CTNNA3: variants seen among roughly 807,000 people sequenced by gnomAD.
The protein encoded by CTNNA3 is catenin alpha-3.
Under a neutral mutation model 95.7 loss-of-function variants are expected in CTNNA3, and 76 were observed. The ratio of observed to expected loss-of-function variants is 0.79; its 90% CI spans 0.66 to 0.96. CTNNA3 has a LOEUF of 0.96. Among genes scored for constraint, CTNNA3 ranks in the 40% least tolerant of loss-of-function variants. CTNNA3 has a pLI of 0.00. For missense variants in CTNNA3, 1,191 were observed against 1,089.8 expected, an observed-to-expected ratio of 1.09 and a Z score of -1.31; for synonymous variants, 431 against 374.4, an observed-to-expected ratio of 1.15 and a Z score of -1.74.
At chr10:67,518,455 T>G (rs1352531370) in intron 5 of CTNNA3, among the ~76,000 whole-genome samples, 3 of 152,110 alleles carry the variant, frequency 2.0e-5, no homozygotes, top group Non-Finnish European at 4.4e-5. Flanking sequence ...GAGACAAGAA[T>G]CAGATACGTG....
At chr10:66,175,767 C>A (rs2085673891) in intron 13 of CTNNA3, among the ~76,000 whole-genome samples, 1 of 152,094 alleles carries the variant, frequency 6.6e-6, no homozygotes, top group African/African-American at 2.4e-5. Flanking sequence ...GATTCATTAA[C>A]CATATTTATT....
chr10:66,526,770 A>C, intron 10 of CTNNA3, among the ~76,000 whole-genome samples: 1 of 152,052 alleles, frequency 6.6e-6, no homozygotes, highest in Non-Finnish European at 1.5e-5. Context: ...TGTCTATTCA[A>C]GTATTTTGCC....
chr10:66,186,385 A>G (rs1366252474), intron 13 of CTNNA3, among the ~76,000 whole-genome samples: 2 of 151,994 alleles, frequency 1.3e-5, no homozygotes, highest in Admixed American at 1.3e-4. Context: ...AAAATTCACT[A>G]GTGATGTCAG....
At chr10:67,467,430 G>C (rs1181686878) in intron 5 of CTNNA3, among the ~76,000 whole-genome samples, 1 of 151,612 alleles carries the variant, frequency 6.6e-6, no homozygotes, top group Admixed American at 6.6e-5. Context: ...TTTAGACTTC[G>C]TTCTCTAATA....
chr10:66,914,936 A>G (rs1846410860), intron 7 of CTNNA3, among the ~76,000 whole-genome samples: 1 of 152,146 alleles, frequency 6.6e-6, no homozygotes, highest in Non-Finnish European at 1.5e-5. Context: ...CAAAATTTGT[A>G]ATAAATAAAT....
intron 7 of CTNNA3, among the ~76,000 whole-genome samples, chr10:66,913,157 T>C (rs1426627680): frequency 1.5e-5 from 2 of 132,068 alleles, no homozygotes; most frequent in African/African-American, 5.7e-5. Context: ...GAGAATGGCG[T>C]GAACCCGGGA....
chr10:67,225,982 G>A (rs1864895067), intron 5 of CTNNA3, among the ~76,000 whole-genome samples: 1 of 152,098 alleles, frequency 6.6e-6, no homozygotes, highest in African/African-American at 2.4e-5. Flanking sequence ...AACAATACAA[G>A]AAGTGAAGGG....
chr10:67,071,330 GT>G (rs10688142), intron 7 of CTNNA3, among the ~76,000 whole-genome samples: 26 of 140,382 alleles, frequency 1.9e-4, no homozygotes, highest in East Asian at 6.3e-4. Flanking sequence ...TGTATTTTGG[GT>G]TTTTTTTTTT....
At chr10:66,918,524 G>T (rs1846611454) in intron 7 of CTNNA3, among the ~76,000 whole-genome samples, 1 of 152,122 alleles carries the variant, frequency 6.6e-6, no homozygotes, top group African/African-American at 2.4e-5. Context: ...TATATGCCAT[G>T]AAAACTGACT....
intron 15 of CTNNA3, among the ~76,000 whole-genome samples, chr10:66,024,486 A>G (rs886827835): frequency 6.6e-5 from 10 of 152,206 alleles, no homozygotes; most frequent in Admixed American, 2.0e-4. Context: ...TTGTTGTATG[A>G]CCGTTTAACA....
rs539437591 is a variant in CTNNA3 at position 66,062,910 on chromosome 10, C to A, written c.2159+6398G>T. ...AACACCCCAGCTACAGATTAGGATA[C>A]CCTCAAAGCCACTGATTTGTCAGAA... On this transcript the variant is annotated intron_variant, in intron 15 of 17. Coordinates refer to ENST00000433211, the MANE Select transcript of CTNNA3 (RefSeq NM_013266.4). Among the ~76,000 whole-genome samples the A allele has an allele frequency of 1.3e-3, 205 of 152,128 alleles. 2 individuals carry two copies. Among genetic ancestry groups the A allele is most frequent in the African/African-American group, 4.9e-3 (202 of 41,512 alleles).
intron 7 of CTNNA3, chr10:66,926,321 A>G (rs990513025): frequency 8.8e-6 from 5 of 566,732 alleles, no homozygotes; most frequent in Admixed American, 3.1e-5. Context: ...CAAAAACGTA[A>G]TATCCATGAA....
At chr10:67,320,587 C>T (rs531055994) in intron 5 of CTNNA3, among the ~76,000 whole-genome samples, 1 of 152,244 alleles carries the variant, frequency 6.6e-6, no homozygotes, top group South Asian at 2.1e-4. Context: ...ATGCTGGGTA[C>T]TCAAAGGGAG....
chr10:66,899,128 A>G (rs529111117), intron 7 of CTNNA3, among the ~76,000 whole-genome samples: 6 of 152,336 alleles, frequency 3.9e-5, no homozygotes, highest in Admixed American at 1.3e-4. Flanking sequence ...TTCACTAACT[A>G]TAAGGGAAAT....
chr10:66,162,343 G>A (rs2084897585), intron 13 of CTNNA3, among the ~76,000 whole-genome samples: 1 of 152,132 alleles, frequency 6.6e-6, no homozygotes, highest in African/African-American at 2.4e-5. Context: ...GCTCTGTCAG[G>A]GGGAGGGTCT....
chr10:67,323,866 A>C (rs1303475235), intron 5 of CTNNA3, among the ~76,000 whole-genome samples: 2 of 152,028 alleles, frequency 1.3e-5, no homozygotes, highest in East Asian at 3.9e-4. Context: ...TTGTTTGTGT[A>C]ATCTCTGATT....
intron 8 of CTNNA3, among the ~76,000 whole-genome samples, chr10:66,770,383 A>C (rs1012798804): frequency 4.6e-5 from 7 of 152,192 alleles, no homozygotes; most frequent in South Asian, 2.1e-4. Context: ...AGTTTAAAGA[A>C]GAATGCAATA....
chr10:66,941,747 T>A (rs1848007419), intron 7 of CTNNA3, among the ~76,000 whole-genome samples: 1 of 152,118 alleles, frequency 6.6e-6, no homozygotes, highest in Non-Finnish European at 1.5e-5. Context: ...GTGAGCTGAG[T>A]GTGGCTGAAA....
chr10:67,454,578 A>C (rs1368120585), intron 5 of CTNNA3, among the ~76,000 whole-genome samples: 1 of 152,148 alleles, frequency 6.6e-6, no homozygotes, highest in Non-Finnish European at 1.5e-5. Context: ...GCCTCGCATC[A>C]AAAGTTCTAC....
Sources: gnomAD v4.1 joint callset for allele counts (sites outside exome capture counted in the v4.1 genomes callset) on GRCh38, gnomAD v4.1.1 for gene constraint, MANE v1.5 for transcripts, NCBI Gene and HGNC (gene_info 2026-07-23, HGNC 2026-07-21) for gene names.